LIMCH1: variants seen among roughly 807,000 people sequenced by gnomAD.
LIMCH1 encodes the protein LIM and calponin homology domains-containing protein 1.
A neutral mutation model predicts 176.5 loss-of-function variants in LIMCH1; 113 were observed. That is an observed-to-expected ratio of 0.64 (90% CI 0.55 to 0.75). The LOEUF (loss-of-function observed/expected upper bound fraction) is 0.75. Ranked by LOEUF, LIMCH1 falls within the 30% of genes least tolerant of loss-of-function variation. LIMCH1 has a pLI of 0.00. For missense variants in LIMCH1, 1,674 were observed against 1,814.9 expected (o/e 0.92, Z 1.41); for synonymous variants, 619 against 645.9 (o/e 0.96, Z 0.63).
intron 1 of LIMCH1, among the ~76,000 whole-genome samples, chr4:41,441,805 A>G (rs1304454231): frequency 6.6e-6 from 1 of 152,208 alleles, no homozygotes; most frequent in Non-Finnish European, 1.5e-5. Flanking sequence ...TTGCTAATAT[A>G]AAGTAGTTTG....
intron 1 of LIMCH1, among the ~76,000 whole-genome samples, chr4:41,481,468 TGC>T (rs1454702845): frequency 6.6e-6 from 1 of 152,168 alleles, no homozygotes; most frequent in Non-Finnish European, 1.5e-5. Context: ...ATAGGGGTTG[TGC>T]GTATAACCTG....
intron 1 of LIMCH1, among the ~76,000 whole-genome samples, chr4:41,491,274 T>G (rs1330522293): frequency 3.6e-4 from 21 of 57,694 alleles, no homozygotes; most frequent in South Asian, 7.3e-4. Context: ...TCCTAGATGA[T>G]GGGTGGCTGG....
intron 1 of LIMCH1, among the ~76,000 whole-genome samples, chr4:41,392,284 G>GA (rs2057338387): frequency 6.6e-6 from 1 of 152,134 alleles, no homozygotes; most frequent in South Asian, 2.1e-4. Flanking sequence ...AAGTGCTATG[G>GA]AAAAAATAAA....
intron 1 of LIMCH1, among the ~76,000 whole-genome samples, chr4:41,366,467 G>A (rs1195239194): frequency 2.0e-5 from 3 of 152,112 alleles, no homozygotes; most frequent in South Asian, 2.1e-4. Flanking sequence ...TCCTTAGGAT[G>A]TGTGTGTGTT....
chr4:41,642,490 T>C (rs536117580), intron 14 of LIMCH1, among the ~76,000 whole-genome samples: 4 of 152,196 alleles, frequency 2.6e-5, no homozygotes, highest in Non-Finnish European at 5.9e-5. Context: ...CTAAAATAGA[T>C]GAAAAATCAC....
chr4:41,470,960 G>A (rs1360710054), intron 1 of LIMCH1, among the ~76,000 whole-genome samples: 1 of 151,974 alleles, frequency 6.6e-6, no homozygotes, highest in East Asian at 1.9e-4. Context: ...GAAGTTACTG[G>A]TAGCTCCCAG....
intron 1 of LIMCH1, among the ~76,000 whole-genome samples, chr4:41,543,119 G>A (rs1399108375): frequency 6.6e-6 from 1 of 152,198 alleles, no homozygotes; most frequent in Non-Finnish European, 1.5e-5. Flanking sequence ...CTATGTCTAA[G>A]AGATGTGGGT....
Position 41,638,941 on chromosome 4 carries a change from G to A in LIMCH1, c.2100G>A (p.Pro700=), listed in dbSNP as rs150547566. The A allele has an allele frequency of 2.9e-5, 46 of 1,599,704 alleles. No individual in the cohort carries two copies. The African/African-American group carries it at 4.9e-4, about 17-fold the overall frequency. The change falls in exon 14 of 32, where the codon CCG becomes CCA. Residue 700 remains proline, a synonymous_variant. Coordinates refer to ENST00000503057, the MANE Select transcript of LIMCH1 (RefSeq NM_001330672.2). ...TTATTTGATCTTATAGATACGGTCC[G>A]AGAACTCCTGTGTCTGATGACGCAG... ...GLPMKDQRYG[P]RTPVSDDAES... is the part of the protein sequence containing the mutation.
chr4:41,582,676 C>G (rs1482554767), intron 1 of LIMCH1, among the ~76,000 whole-genome samples: 2 of 152,078 alleles, frequency 1.3e-5, no homozygotes, highest in African/African-American at 2.4e-5. Context: ...TAGTATCTAC[C>G]TCATAGGGTT....
intron 19 of LIMCH1, 23 bp from the exon 20 acceptor site, chr4:41,662,790 CTGTACGTT>C (rs2094673771): frequency 2.6e-6 from 4 of 1,547,570 alleles, no homozygotes; most frequent in Admixed American, 4.0e-5. Flanking sequence ...TCTTTTCCTT[CTGTACGTT>C]TCTGGATGTA....
chr4:41,629,121 A>T (rs895625133), intron 8 of LIMCH1, among the ~76,000 whole-genome samples: 2 of 152,214 alleles, frequency 1.3e-5, no homozygotes, highest in African/African-American at 4.8e-5. Flanking sequence ...GGGCTAAGGG[A>T]TTCATCAGAA....
Position 41,423,006 on chromosome 4 carries a change from C to T in LIMCH1, c.96+62070C>T, listed in dbSNP as rs139506743. 7.0e-3 allele frequency among the ~76,000 whole-genome samples: 1,063 copies of T among 152,230 alleles called. 14 individuals are homozygous for T. Among genetic ancestry groups the T allele is most frequent in the African/African-American group, 0.024 (1,012 of 41,536 alleles). ...TCTCCTGGGTTCAAGTGATCCTCCGCCTTGGCCTCCCAAAGTGCTGGAATT... is the reference window on the plus strand; with the variant it reads ...TCTCCTGGGTTCAAGTGATCCTCCGTCTTGGCCTCCCAAAGTGCTGGAATT... On this transcript the variant is annotated intron_variant, in intron 1 of 26. Coordinates refer to the LIMCH1 transcript ENST00000313860.
chr4:41,660,273 A>G (rs2094576122), intron 18 of LIMCH1, among the ~76,000 whole-genome samples: 1 of 152,056 alleles, frequency 6.6e-6, no homozygotes, highest in Admixed American at 6.6e-5. Flanking sequence ...CAATTATTGG[A>G]TATTTAAGTT....
At chr4:41,375,085 A>T (rs1211216784) in intron 1 of LIMCH1, among the ~76,000 whole-genome samples, 2 of 152,228 alleles carry the variant, frequency 1.3e-5, no homozygotes, top group Non-Finnish European at 2.9e-5. Flanking sequence ...GGTAAAGTGG[A>T]TGCCAAAGAG....
chr4:41,376,265 AGTT>A (rs1343019218), intron 1 of LIMCH1, among the ~76,000 whole-genome samples: 1 of 152,200 alleles, frequency 6.6e-6, no homozygotes, highest in Non-Finnish European at 1.5e-5. Context: ...CACCCAGAAT[AGTT>A]GTTCAATCTC....
chr4:41,551,100 TTCTA>T (rs1320438054), intron 1 of LIMCH1: 5 of 152,206 alleles, frequency 3.3e-5, no homozygotes, highest in Admixed American at 2.0e-4. Context: ...AGAATGTTTC[TTCTA>T]TCTTTCTTCC....
At chr4:41,433,216 G>A (rs2061755615) in intron 1 of LIMCH1, among the ~76,000 whole-genome samples, 2 of 152,178 alleles carry the variant, frequency 1.3e-5, no homozygotes, top group Admixed American at 6.5e-5. Flanking sequence ...GCAAATGAGC[G>A]GGCATTCTTT....
intron 1 of LIMCH1, among the ~76,000 whole-genome samples, chr4:41,541,258 T>C (rs1442574653): frequency 6.6e-6 from 1 of 152,198 alleles, no homozygotes; most frequent in Non-Finnish European, 1.5e-5. Flanking sequence ...CATAGCTTAT[T>C]AGACCCTTAG....
intron 7 of LIMCH1, among the ~76,000 whole-genome samples, chr4:41,622,047 T>C (rs2092619515): frequency 6.6e-6 from 1 of 152,188 alleles, no homozygotes; most frequent in Non-Finnish European, 1.5e-5. Flanking sequence ...ATGCCTATTC[T>C]GAACACGTAT....
Sources: allele counts gnomAD v4.1 joint callset (sites outside exome capture counted in the v4.1 genomes callset), GRCh38; gene constraint gnomAD v4.1.1; transcripts MANE v1.5; gene names NCBI Gene and HGNC (gene_info 2026-07-23, HGNC 2026-07-21).